The following ME1 variants were observed in gnomAD, a reference collection of about 807,000 sequenced individuals.
ME1 encodes NADP-dependent malic enzyme.
Under a neutral mutation model 66.4 loss-of-function variants are expected in ME1, and 74 were observed. That is an observed-to-expected ratio of 1.11 (90% CI 0.92 to 1.35). The LOEUF is 1.35. ME1 is among the 40% of genes most tolerant of loss of function. ME1 has a pLI of 0.00. For synonymous variants in ME1, 251 were observed against 235.6 expected (o/e 1.07, Z -0.60); for missense variants, 750 against 694.1 (o/e 1.08, Z -0.90).
chr6:83,349,011 A>C (rs1384817181), intron 4 of ME1, among the ~76,000 whole-genome samples: 1 of 141,966 alleles, frequency 7.0e-6, no homozygotes, highest in Non-Finnish European at 1.5e-5. Flanking sequence ...ACAAAAAACA[A>C]AAAACAGTGC....
intron 3 of ME1, among the ~76,000 whole-genome samples, chr6:83,357,935 CTATATATATATATATATATATATA>C (rs60624497): frequency 3.3e-5 from 1 of 30,040 alleles, no homozygotes; most frequent in Non-Finnish European, 5.9e-5. Flanking sequence ...CTCTCTCTCT[CTATATATATATATATATATATATA>C]TATATATATA....
At chr6:83,290,408 G>A (rs1024716447) in intron 6 of ME1, among the ~76,000 whole-genome samples, 2 of 152,170 alleles carry the variant, frequency 1.3e-5, no homozygotes, top group Admixed American at 1.3e-4. Flanking sequence ...TCAGGAGCAG[G>A]TTGTTCAGTT....
intron 3 of ME1, among the ~76,000 whole-genome samples, chr6:83,359,526 T>G (rs192069073): frequency 6.6e-6 from 1 of 152,296 alleles, no homozygotes; most frequent in Non-Finnish European, 1.5e-5. Flanking sequence ...ATGTTGCAGC[T>G]CAGGGGGTTA....
At chr6:83,312,931 T>C (rs568669864) in intron 6 of ME1, among the ~76,000 whole-genome samples, 21 of 152,194 alleles carry the variant, frequency 1.4e-4, no homozygotes, top group African/African-American at 4.6e-4. Flanking sequence ...TGTTTTTGTA[T>C]TTTTTAGTAG....
At chr6:83,426,363 T>C (rs766310846) in intron 1 of ME1, among the ~76,000 whole-genome samples, 9 of 152,234 alleles carry the variant, frequency 5.9e-5, no homozygotes, top group Non-Finnish European at 1.0e-4. Context: ...ATTTTGTTAT[T>C]GTGATATTCT....
chr6:83,403,682 T>G (rs1162144825), intron 2 of ME1, among the ~76,000 whole-genome samples: 1 of 152,082 alleles, frequency 6.6e-6, no homozygotes, highest in Non-Finnish European at 1.5e-5. Context: ...CCCTGGTGTG[T>G]GATGTTCCCC....
rs1768539253 is a variant in ME1 at position 83,339,815 on chromosome 6, T to C, written c.600+6358A>G. On this transcript the variant is annotated intron_variant, in intron 5 of 13. Transcript: ENST00000369705. ...AAGGGGAATATCACACTCTGGGGAC[T>C]GTGGTGGGGTCGGGGGAGGGGGGAG... Among the ~76,000 whole-genome samples the C allele has an allele frequency of 3.8e-5, 4 of 103,960 alleles. No individual in the cohort carries two copies. The South Asian group carries it at 1.2e-3, about 31-fold the overall frequency. 68.2% of individuals were successfully genotyped at this position (103,960 alleles called of 152,430 possible).
chr6:83,322,130 G>A (rs543934296), intron 5 of ME1, among the ~76,000 whole-genome samples: 4 of 152,220 alleles, frequency 2.6e-5, no homozygotes, highest in African/African-American at 9.6e-5. Context: ...GGACAACCAT[G>A]CAAAAACCCC....
Position 83,386,819 on chromosome 6 carries a change from A to G in ME1, c.362+11548T>C, listed in dbSNP as rs1039632515. On this transcript the variant is annotated intron_variant, in intron 3 of 13. Coordinates refer to ENST00000369705, the MANE Select transcript of ME1 (RefSeq NM_002395.6). ...GCCCTTTATAAAAGGGACCCCAGAG[A>G]GCTCTCTGCTTTCTGCAACGTGAGG... is the stretch of plus-strand genomic sequence containing the variant. 4.8e-4 allele frequency among the ~76,000 whole-genome samples: 72 copies of G among 150,394 alleles called. 1 individual carries two copies. Among genetic ancestry groups the G allele is most frequent in the African/African-American group, 1.8e-3 (72 of 39,900 alleles).
intron 1 of ME1, among the ~76,000 whole-genome samples, chr6:83,414,139 A>AAAT (rs1770113154): frequency 6.6e-6 from 1 of 151,592 alleles, no homozygotes; most frequent in Non-Finnish European, 1.5e-5. Context: ...AAACTAAAAA[A>AAAT]ATTTATTTTT....
At chr6:83,274,341 T>TA (rs1273756173) in intron 6 of ME1, among the ~76,000 whole-genome samples, 2 of 152,182 alleles carry the variant, frequency 1.3e-5, no homozygotes, top group African/African-American at 4.8e-5. Flanking sequence ...CAGGAGCTTA[T>TA]AAAAATGCTC....
At chr6:83,315,920 A>G (rs1486785135) in intron 5 of ME1, among the ~76,000 whole-genome samples, 1 of 152,164 alleles carries the variant, frequency 6.6e-6, no homozygotes, top group Non-Finnish European at 1.5e-5. Context: ...AAATAAATAA[A>G]TAAGAAAGAA....
intron 5 of ME1, among the ~76,000 whole-genome samples, chr6:83,320,513 G>A (rs947270829): frequency 3.3e-5 from 5 of 152,114 alleles, no homozygotes; most frequent in African/African-American, 7.2e-5. Context: ...ATCAAGTGCC[G>A]CTGTAAACTG....
At chr6:83,294,672 G>C (rs1292119204) in intron 6 of ME1, among the ~76,000 whole-genome samples, 1 of 152,146 alleles carries the variant, frequency 6.6e-6, no homozygotes, top group East Asian at 1.9e-4. Flanking sequence ...GAATGGGTAA[G>C]GAGCAAAGAC....
chr6:83,297,308 GACA>G (rs1040233158), intron 6 of ME1, among the ~76,000 whole-genome samples: 3 of 152,116 alleles, frequency 2.0e-5, no homozygotes, highest in African/African-American at 7.2e-5. Context: ...GGAAATCAGA[GACA>G]ACACAAACAA....
intron 3 of ME1, among the ~76,000 whole-genome samples, chr6:83,376,387 T>C (rs942559856): frequency 6.6e-6 from 1 of 151,140 alleles, no homozygotes; most frequent in African/African-American, 2.4e-5. Context: ...TCCAGCTACT[T>C]AGGAGACTGA....
intron 6 of ME1, among the ~76,000 whole-genome samples, chr6:83,300,239 A>G (rs1036365136): frequency 6.6e-6 from 1 of 151,732 alleles, no homozygotes. Context: ...TACAACAATC[A>G]TCTTAATAAA....
intron 6 of ME1, among the ~76,000 whole-genome samples, chr6:83,279,974 T>A (rs1244931854): frequency 6.6e-6 from 1 of 152,120 alleles, no homozygotes; most frequent in Non-Finnish European, 1.5e-5. Flanking sequence ...GTTAAATATT[T>A]CAAGTTTTGA....
intron 6 of ME1, among the ~76,000 whole-genome samples, chr6:83,313,392 A>AT (rs199793405): frequency 0.026 from 3,967 of 152,080 alleles, 179 homozygotes; most frequent in African/African-American, 0.088. Context: ...TCAATTCCAC[A>AT]TTTAAAAAAA....
Sources: allele counts gnomAD v4.1 joint callset (sites outside exome capture counted in the v4.1 genomes callset), GRCh38; gene constraint gnomAD v4.1.1; transcripts MANE v1.5; gene names NCBI Gene and HGNC (gene_info 2026-07-23, HGNC 2026-07-21).